Variants in MEGF11 observed in about 807,000 individuals in gnomAD.
MEGF11 encodes multiple epidermal growth factor-like domains protein 11.
In MEGF11, 126 loss-of-function variants were observed where a neutral mutation model predicts 146.6. The ratio of observed to expected loss-of-function variants is 0.86; its 90% CI spans 0.74 to 1.00. The LOEUF is 1.00. Among genes scored for constraint, MEGF11 ranks in the 50% least tolerant of loss-of-function variants. The probability of loss-of-function intolerance (pLI) is 0.00; values close to 1 mark genes in which losing one functional copy is unlikely to be tolerated. For synonymous variants in MEGF11, 532 were observed against 583.4 expected, an observed-to-expected ratio of 0.91 and a Z score of 1.27; for missense variants, 1,509 against 1,521.2, an observed-to-expected ratio of 0.99 and a Z score of 0.13.
chr15:66,243,530 C>T (rs1242424572), intron 1 of MEGF11, among the ~76,000 whole-genome samples: 2 of 152,112 alleles, frequency 1.3e-5, no homozygotes, highest in Non-Finnish European at 2.9e-5. Flanking sequence ...AACAAGGCCA[C>T]GATCACTGGA....
chr15:65,913,847 C>T lies in MEGF11; in HGVS notation c.2600G>A (p.Gly867Asp). ...LLLFLIVVLL[G>D]LFAWHRRRQK... is the part of the protein sequence containing the mutation. ...CCGCCGCCGATGCCAGGCAAATAGG[C>T]CCAGCAGCACCACAATGAGGAATAA... Residue 867 changes from glycine to aspartate, a missense_variant, in exon 20 of 26, where the codon GGC becomes GAC. By Grantham distance (94) the Gly-to-Asp change is moderately conservative. Coordinates refer to ENST00000395614, the MANE Select transcript of MEGF11 (RefSeq NM_001385028.1). The T allele has an allele frequency of 6.2e-7, 1 of 1,614,016 alleles. No individual in the cohort carries two copies. Among genetic ancestry groups the T allele is most frequent in the Non-Finnish European group, 8.5e-7 (1 of 1,179,886 alleles).
intron 5 of MEGF11, among the ~76,000 whole-genome samples, chr15:66,022,173 G>A (rs779838669): frequency 6.6e-6 from 1 of 152,238 alleles, no homozygotes; most frequent in African/African-American, 2.4e-5. Flanking sequence ...GCTCCTTCCT[G>A]CAGACAGAGC....
intron 5 of MEGF11, among the ~76,000 whole-genome samples, chr15:65,992,684 A>G (rs1359959784): frequency 2.0e-5 from 3 of 150,404 alleles, no homozygotes; most frequent in African/African-American, 7.4e-5. Flanking sequence ...TTAAATCAGC[A>G]TCTGCTCTGG....
At chr15:66,236,432 A>T (rs2092093137) in intron 1 of MEGF11, among the ~76,000 whole-genome samples, 1 of 152,192 alleles carries the variant, frequency 6.6e-6, no homozygotes, top group Admixed American at 6.5e-5. Flanking sequence ...CTGGGGAGGG[A>T]AAAGACATCA....
intron 1 of MEGF11, among the ~76,000 whole-genome samples, chr15:66,130,997 G>A (rs908492740): frequency 6.6e-6 from 1 of 152,180 alleles, no homozygotes; most frequent in African/African-American, 2.4e-5. Context: ...CTGATTTAGG[G>A]CATTAATAAT....
At chr15:65,968,225 G>A (rs1167153013) in intron 8 of MEGF11, among the ~76,000 whole-genome samples, 1 of 152,032 alleles carries the variant, frequency 6.6e-6, no homozygotes, top group Non-Finnish European at 1.5e-5. Context: ...AGGCAGAAGG[G>A]GAGGAAAAAG....
chr15:66,064,889 G>T (rs2085056279), intron 5 of MEGF11, among the ~76,000 whole-genome samples: 1 of 152,076 alleles, frequency 6.6e-6, no homozygotes, highest in African/African-American at 2.4e-5. Flanking sequence ...TATAGACAGG[G>T]TCTAGATTCC....
intron 1 of MEGF11, among the ~76,000 whole-genome samples, chr15:66,186,820 A>G (rs2090719485): frequency 1.3e-5 from 2 of 152,228 alleles, no homozygotes; most frequent in Non-Finnish European, 1.5e-5. Flanking sequence ...CCTCATTTAC[A>G]AAAGGGGAAA....
intron 20 of MEGF11, chr15:65,912,430 G>GGCTCACCTGTGCCAAGGGGAGGCAC (rs1277222214): frequency 3.0e-6 from 1 of 336,676 alleles, no homozygotes; most frequent in Non-Finnish European, 5.4e-6. Context: ...ATGCAGGATA[G>GGCTCACCTGTGCCAAGGGGAGGCAC]GCTCACCTGT....
rs371781367 is a variant in MEGF11 at position 65,898,603 on chromosome 15, A to G, written c.3262+125T>C. 19 of 1,483,912 alleles carry G rather than the reference A, an allele frequency of 1.3e-5. No homozygotes were observed. The African/African-American group carries it at 2.5e-4, about 20-fold the overall frequency. The allele number at this position is 1,483,912 out of a possible 1,614,324, so 91.9% of individuals were successfully genotyped here. On this transcript the variant is annotated intron_variant, in intron 25 of 25. Coordinates refer to ENST00000395614, the MANE Select transcript of MEGF11 (RefSeq NM_001385028.1). ...CTAGGAAAGACAGTTCACCTTAGAG[A>G]TGCCTTTAAAAGCAACAAAAGAAGG...
intron 4 of MEGF11, among the ~76,000 whole-genome samples, chr15:66,097,243 C>G (rs1391884292): frequency 6.6e-6 from 1 of 152,198 alleles, no homozygotes; most frequent in African/African-American, 2.4e-5. Flanking sequence ...TGGGCCACCG[C>G]GTGTTTGGAC....
At chr15:65,984,551 G>T (rs1322995247) in intron 5 of MEGF11, among the ~76,000 whole-genome samples, 1 of 39,310 alleles carries the variant, frequency 2.5e-5, no homozygotes, top group East Asian at 3.7e-4. Context: ...AAAAAAAAAA[G>T]GCTCACAGGA....
intron 1 of MEGF11, among the ~76,000 whole-genome samples, chr15:66,209,876 A>G (rs2091400244): frequency 6.6e-6 from 1 of 152,008 alleles, no homozygotes; most frequent in African/African-American, 2.4e-5. Context: ...TCAGGCTGGA[A>G]TGCATGGTGC....
intron 12 of MEGF11, among the ~76,000 whole-genome samples, chr15:65,929,219 A>T (rs528906035): frequency 1.3e-5 from 2 of 152,318 alleles, no homozygotes; most frequent in East Asian, 3.9e-4. Context: ...GGTTTAACTT[A>T]TTTGTATCTC....
intron 10 of MEGF11, among the ~76,000 whole-genome samples, chr15:65,943,264 C>T (rs927626901): frequency 1.3e-5 from 2 of 152,164 alleles, no homozygotes; most frequent in Non-Finnish European, 2.9e-5. Context: ...AGGCATGAGC[C>T]ACCACGTTCC....
chr15:66,160,393 C>A (rs1439408362), intron 1 of MEGF11, among the ~76,000 whole-genome samples: 1 of 152,054 alleles, frequency 6.6e-6, no homozygotes, highest in Non-Finnish European at 1.5e-5. Context: ...AGATAAAAGG[C>A]CTAGTTCCCC....
intron 4 of MEGF11, among the ~76,000 whole-genome samples, chr15:66,115,990 T>C (rs904169851): frequency 6.6e-6 from 1 of 152,158 alleles, no homozygotes; most frequent in Non-Finnish European, 1.5e-5. Flanking sequence ...TGTGGTACTT[T>C]GTAATAGCCA....
chr15:66,101,038 GGCGGGTGAGT>G, intron 4 of MEGF11, among the ~76,000 whole-genome samples: 1 of 93,846 alleles, frequency 1.1e-5, no homozygotes, highest in Non-Finnish European at 2.3e-5. Context: ...CGGGTGAGCA[GGCGGGTGAGT>G]GAGCCAGTGA....
chr15:66,174,348 G>A (rs754114015), intron 1 of MEGF11, among the ~76,000 whole-genome samples: 3 of 152,162 alleles, frequency 2.0e-5, no homozygotes, highest in Non-Finnish European at 2.9e-5. Context: ...TCCCTCCCAA[G>A]AGGGGAATTA....
Sources: gnomAD v4.1 joint callset for allele counts (sites outside exome capture counted in the v4.1 genomes callset) on GRCh38, gnomAD v4.1.1 for gene constraint, MANE v1.5 for transcripts, NCBI Gene and HGNC (gene_info 2026-07-23, HGNC 2026-07-21) for gene names.